The following EPB41 variants were observed in gnomAD, a reference collection of about 807,000 sequenced individuals.
EPB41 encodes protein 4.1.
EPB41 carries 65 observed loss-of-function variants against 108.0 expected under a neutral mutation model. The ratio of observed to expected loss-of-function variants is 0.60; its 90% CI spans 0.49 to 0.74. EPB41 has a LOEUF of 0.74. EPB41 is among the 30% of genes least tolerant of loss of function. EPB41 has a pLI of 0.00. For missense variants in EPB41, 875 were observed against 1,037.0 expected (o/e 0.84, Z 2.15); for synonymous variants, 336 against 358.9 (o/e 0.94, Z 0.72).
chr1:28,914,963 C>G (rs1006346079), intron 1 of EPB41, among the ~76,000 whole-genome samples, 195 bp downstream of exon 1: 41 of 151,596 alleles, frequency 2.7e-4, no homozygotes, highest in African/African-American at 9.7e-4. Flanking sequence ...GGACGCGGCC[C>G]GAGGAGCGAG....
At chr1:29,098,296 G>A (rs1296748094) in intron 17 of EPB41, among the ~76,000 whole-genome samples, 4 of 152,038 alleles carry the variant, frequency 2.6e-5, no homozygotes, top group Non-Finnish European at 4.4e-5. Flanking sequence ...CCGGGTTCAC[G>A]CCATTCTCCT....
chr1:29,038,886 T>C (rs1350197699), intron 10 of EPB41, among the ~76,000 whole-genome samples: 1 of 152,236 alleles, frequency 6.6e-6, no homozygotes, highest in African/African-American at 2.4e-5. Flanking sequence ...ACTTTGTTAC[T>C]GCCCAATGTC....
At chr1:28,901,023 G>T (rs951930654) in intron 1 of EPB41, among the ~76,000 whole-genome samples, 1 of 151,556 alleles carries the variant, frequency 6.6e-6, no homozygotes, top group Admixed American at 6.6e-5. Flanking sequence ...TCCGCCTCCC[G>T]GGTTCATGCC....
intron 11 of EPB41, among the ~76,000 whole-genome samples, chr1:29,044,243 C>T (rs893925551): frequency 2.6e-5 from 4 of 152,198 alleles, no homozygotes; most frequent in African/African-American, 9.7e-5. Flanking sequence ...CAGCATCTCA[C>T]AGACAGTAAG....
intron 4 of EPB41, among the ~76,000 whole-genome samples, chr1:29,002,228 A>G (rs80189326): frequency 7.6e-4 from 115 of 152,226 alleles, no homozygotes; most frequent in African/African-American, 2.6e-3. Flanking sequence ...TTTGGGATGT[A>G]GAAGCAAGTG....
intron 10 of EPB41, among the ~76,000 whole-genome samples, chr1:29,037,156 A>G (rs1639800681): frequency 1.3e-5 from 2 of 152,058 alleles, no homozygotes; most frequent in South Asian, 4.2e-4. Flanking sequence ...GCAGTCTGTG[A>G]TCCTGGCTCA....
intron 6 of EPB41, 32 bp downstream of exon 6, chr1:29,015,799 TCA>T (rs2096570576): frequency 7.3e-7 from 1 of 1,369,590 alleles, no homozygotes; most frequent in East Asian, 2.3e-5. Context: ...ATGTAATTTA[TCA>T]TATAATAATG....
chr1:29,060,799 T>A (rs1386528016), intron 15 of EPB41, among the ~76,000 whole-genome samples: 1 of 152,194 alleles, frequency 6.6e-6, no homozygotes, highest in Non-Finnish European at 1.5e-5. Context: ...CCTTTAATTT[T>A]CCAAGAGTAT....
At chr1:28,893,656 G>C (rs2090362668) in intron 1 of EPB41, 2 of 152,306 alleles carry the variant, frequency 1.3e-5, no homozygotes, top group Admixed American at 1.3e-4. Context: ...CAAGACCCCA[G>C]AGGCAGAGGG....
In EPB41 at chr1:28,987,442, C is replaced by T. The variant is rs775614973; in HGVS notation, c.5C>T (p.Thr2Ile). Residue 2 changes from threonine to isoleucine, a missense_variant, in exon 2 of 21, where the codon ACA becomes ATA. Thr to Ile is a moderately conservative substitution (Grantham distance 89). Transcript: ENST00000343067. ...CTTCTTTTTAATAGCAACATCATGA[C>T]AACAGAGAAGAGTTTAGTGACTGAG... M[T>I]TEKSLVTEAE... 6 of 1,613,836 alleles carry T rather than the reference C, an allele frequency of 3.7e-6. No homozygotes were observed. The African/African-American group carries it at 6.7e-5, about 18-fold the overall frequency.
At chr1:29,016,471 G>C (rs1218661679) in intron 6 of EPB41, among the ~76,000 whole-genome samples, 1 of 150,884 alleles carries the variant, frequency 6.6e-6, no homozygotes, top group Non-Finnish European at 1.5e-5. Context: ...TTACAGGCTT[G>C]AGCCACTGCA....
At chr1:29,008,516 T>C (rs1194574790) in intron 4 of EPB41, among the ~76,000 whole-genome samples, 2 of 152,148 alleles carry the variant, frequency 1.3e-5, no homozygotes, top group Non-Finnish European at 2.9e-5. Context: ...TGAGGCAGGA[T>C]TGGAATTCAA....
At chr1:28,917,203 A>G (rs555728495) in intron 1 of EPB41, among the ~76,000 whole-genome samples, 3 of 152,240 alleles carry the variant, frequency 2.0e-5, no homozygotes, top group Admixed American at 6.5e-5. Flanking sequence ...TTGTGCAACC[A>G]AATAGAACTA....
chr1:28,967,183 T>G (rs1250302474), intron 1 of EPB41, among the ~76,000 whole-genome samples: 1 of 151,978 alleles, frequency 6.6e-6, no homozygotes, highest in Non-Finnish European at 1.5e-5. Flanking sequence ...CACACCCGGC[T>G]AAGTTTTTGT....
intron 1 of EPB41, among the ~76,000 whole-genome samples, chr1:28,944,534 G>GT (rs55849161): frequency 0.26 from 25,114 of 96,302 alleles, 4,248 homozygotes; most frequent in Non-Finnish European, 0.35. Context: ...CTCAGATCTG[G>GT]TTTTTTTTTT....
intron 16 of EPB41, chr1:29,096,137 C>G: frequency 4.1e-6 from 4 of 985,262 alleles, no homozygotes; most frequent in Non-Finnish European, 4.8e-6. Context: ...GCTTTTGTAT[C>G]TGTTCATTCA....
intron 1 of EPB41, among the ~76,000 whole-genome samples, chr1:28,937,406 T>A (rs533317225): frequency 2.6e-4 from 39 of 152,348 alleles, no homozygotes; most frequent in Non-Finnish European, 4.6e-4. Flanking sequence ...TTATTTATTT[T>A]TTTTTGAGGC....
At chr1:28,925,242 C>T (rs548135997) in intron 1 of EPB41, among the ~76,000 whole-genome samples, 18 of 152,194 alleles carry the variant, frequency 1.2e-4, no homozygotes, top group East Asian at 1.9e-4. Flanking sequence ...GGATTACAGG[C>T]GTGAGCCACC....
At chr1:28,921,965 C>CACTTT (rs1460560597) in intron 1 of EPB41, among the ~76,000 whole-genome samples, 2 of 67,634 alleles carry the variant, frequency 3.0e-5, no homozygotes, top group Non-Finnish European at 4.8e-5. Context: ...TATATATACA[C>CACTTT]TTTTTTTTTG....
Sources: gnomAD v4.1 joint callset for allele counts (sites outside exome capture counted in the v4.1 genomes callset) on GRCh38, gnomAD v4.1.1 for gene constraint, MANE v1.5 for transcripts, NCBI Gene and HGNC (gene_info 2026-07-23, HGNC 2026-07-21) for gene names.